The following CCDC178 variants were observed in gnomAD, a reference collection of about 807,000 sequenced individuals.
CCDC178 encodes coiled-coil domain-containing protein 178.
A neutral mutation model predicts 117.4 loss-of-function variants in CCDC178; 126 were observed. That is an observed-to-expected ratio of 1.07 (90% CI 0.93 to 1.24). The LOEUF is 1.24. Among genes scored for constraint, CCDC178 ranks in the 50% most tolerant of loss-of-function variants. The pLI is 0.00. For missense variants in CCDC178, 1,030 were observed against 986.9 expected, an observed-to-expected ratio of 1.04 and a Z score of -0.59; for synonymous variants, 283 against 313.4, an observed-to-expected ratio of 0.90 and a Z score of 1.02.
At chr18:33,248,837 G>A (rs1300512619) in intron 14 of CCDC178, among the ~76,000 whole-genome samples, 3 of 151,996 alleles carry the variant, frequency 2.0e-5, no homozygotes, top group Non-Finnish European at 2.9e-5. Flanking sequence ...TTGAGGAATC[G>A]CCACACTGTC....
Position 33,212,048 on chromosome 18 carries a change from ATTTG to A in CCDC178, c.2082_2085del (p.Lys695LeufsTer2), listed in dbSNP as rs2059115063. 6.4e-7 allele frequency: 1 copy of A among 1,571,920 alleles called. No individual in the cohort carries two copies. Among genetic ancestry groups the A allele is most frequent in the African/African-American group, 1.4e-5 (1 of 72,050 alleles). ...TCCCTTTTAAATCTCATAGTTATAA[ATTTG>A]TTCCTGTGAAGAAAGAATTCCATGT... On this transcript the variant is annotated frameshift_variant, in exon 20 of 23. Coordinates refer to ENST00000383096, the MANE Select transcript of CCDC178 (RefSeq NM_001105528.4). LOFTEE classifies it high-confidence loss of function.
intron 15 of CCDC178, among the ~76,000 whole-genome samples, chr18:33,238,295 C>T (rs2059449111): frequency 1.3e-5 from 2 of 152,038 alleles, no homozygotes; most frequent in South Asian, 2.1e-4. Context: ...TCTCCAGTAA[C>T]ATACCCCAAT....
chr18:32,962,786 G>C (rs1286506321), intron 22 of CCDC178, among the ~76,000 whole-genome samples: 1 of 151,732 alleles, frequency 6.6e-6, no homozygotes, highest in Non-Finnish European at 1.5e-5. Context: ...CACCAAAATG[G>C]CCATATTATT....
chr18:33,286,208 C>A (rs1164026027), intron 12 of CCDC178, among the ~76,000 whole-genome samples: 1 of 152,060 alleles, frequency 6.6e-6, no homozygotes, highest in African/African-American at 2.4e-5. Flanking sequence ...AACTCCTGAC[C>A]TGGTGATCCA....
intron 21 of CCDC178, among the ~76,000 whole-genome samples, chr18:32,976,328 G>A (rs972775932): frequency 2.6e-5 from 4 of 152,066 alleles, no homozygotes; most frequent in African/African-American, 7.2e-5. Flanking sequence ...AGTTCATTGT[G>A]TATGTTCACA....
At chr18:33,070,499 G>A (rs2057089591) in intron 21 of CCDC178, among the ~76,000 whole-genome samples, 1 of 151,716 alleles carries the variant, frequency 6.6e-6, no homozygotes, top group African/African-American at 2.4e-5. Flanking sequence ...CAGAATGATG[G>A]TTACTAGAGG....
At chr18:33,026,361 G>A (rs944393405) in intron 21 of CCDC178, among the ~76,000 whole-genome samples, 1 of 152,026 alleles carries the variant, frequency 6.6e-6, no homozygotes, top group Non-Finnish European at 1.5e-5. Context: ...AGGGGAAAGT[G>A]AGTAAAGAAT....
chr18:33,018,429 G>C (rs1284226696), intron 21 of CCDC178, among the ~76,000 whole-genome samples: 2 of 151,994 alleles, frequency 1.3e-5, no homozygotes, highest in Non-Finnish European at 1.5e-5. Flanking sequence ...ACATTCAAGA[G>C]AAGTGTAAAG....
chr18:33,217,486 A>C (rs1325384657), intron 18 of CCDC178, among the ~76,000 whole-genome samples: 1 of 151,622 alleles, frequency 6.6e-6, no homozygotes, highest in Non-Finnish European at 1.5e-5. Flanking sequence ...GTTAATTTTC[A>C]TTTTTTCTTC....
chr18:33,333,038 T>C (rs2062690056), intron 10 of CCDC178, 136 bp downstream of exon 10: 1 of 517,248 alleles, frequency 1.9e-6, no homozygotes, highest in African/African-American at 2.0e-5. Flanking sequence ...CAGTTGGTAA[T>C]GTGTAGAGAT....
At chr18:33,397,564 T>C (rs938536940) in intron 3 of CCDC178, among the ~76,000 whole-genome samples, 2 of 152,172 alleles carry the variant, frequency 1.3e-5, no homozygotes, top group African/African-American at 2.4e-5. Context: ...TCCAAAGTTA[T>C]ATATGGATTT....
chr18:33,367,353 G>A (rs547830616), intron 6 of CCDC178, among the ~76,000 whole-genome samples: 3 of 151,966 alleles, frequency 2.0e-5, no homozygotes, highest in Non-Finnish European at 4.4e-5. Flanking sequence ...TTTATGCTTA[G>A]GTTAATTCTG....
intron 21 of CCDC178, chr18:32,983,211 G>T: frequency 1.1e-6 from 1 of 875,152 alleles, no homozygotes; most frequent in South Asian, 1.5e-5. Context: ...GACAATGTGT[G>T]ACACTTGTTA....
chr18:33,283,255 T>A (rs1467822340), intron 12 of CCDC178, among the ~76,000 whole-genome samples: 1 of 151,844 alleles, frequency 6.6e-6, no homozygotes, highest in Non-Finnish European at 1.5e-5. Flanking sequence ...ACAAACGAAG[T>A]CAGTCGGCTG....
chr18:33,397,867 T>C (rs1039112285), intron 3 of CCDC178, among the ~76,000 whole-genome samples: 2 of 152,100 alleles, frequency 1.3e-5, no homozygotes, highest in African/African-American at 4.8e-5. Flanking sequence ...TAGGAACATA[T>C]TTAATAATTA....
At chr18:33,016,783 G>A (rs1006873250) in intron 21 of CCDC178, among the ~76,000 whole-genome samples, 2 of 151,758 alleles carry the variant, frequency 1.3e-5, no homozygotes, top group Non-Finnish European at 2.9e-5. Flanking sequence ...AACAGCAAAG[G>A]AATTAAAATG....
Position 33,356,318 on chromosome 18 carries a change from T to C in CCDC178, c.371+6A>G. 2 of 1,479,566 alleles carry C rather than the reference T, an allele frequency of 1.4e-6. No homozygotes were observed. The highest frequency in any genetic ancestry group is 9.1e-7 in the Non-Finnish European group (1 of 1,094,770). The allele number at this position is 1,479,566 out of a possible 1,614,324, so 91.7% of individuals were successfully genotyped here. On this transcript the variant is annotated splice_donor_region_variant and intron_variant, in intron 7 of 22. Transcript: ENST00000383096. ...AATAGTTTTAAAAAGCATGAAATTTTCTTACCATTCTTCAAAAGAAGTTTC... is the reference window on the plus strand; with the variant it reads ...AATAGTTTTAAAAAGCATGAAATTTCCTTACCATTCTTCAAAAGAAGTTTC...
chr18:33,138,591 A>G (rs1282578848), intron 20 of CCDC178, among the ~76,000 whole-genome samples: 1 of 152,212 alleles, frequency 6.6e-6, no homozygotes, highest in African/African-American at 2.4e-5. Context: ...GCTTAAGAAG[A>G]TCAGCTTTAA....
At chr18:32,951,993 G>A (rs993526687) in intron 22 of CCDC178, among the ~76,000 whole-genome samples, 1 of 152,196 alleles carries the variant, frequency 6.6e-6, no homozygotes, top group Non-Finnish European at 1.5e-5. Context: ...TCATATCCAG[G>A]TCATGCTGAC....
Sources: gnomAD v4.1 joint callset for allele counts (sites outside exome capture counted in the v4.1 genomes callset) on GRCh38, gnomAD v4.1.1 for gene constraint, MANE v1.5 for transcripts, NCBI Gene and HGNC (gene_info 2026-07-23, HGNC 2026-07-21) for gene names.